ZNF578: variants seen among roughly 807,000 people sequenced by gnomAD.
ZNF578 encodes the protein zinc finger protein 578.
ZNF578 carries 8 observed loss-of-function variants against 8.3 expected under a neutral mutation model. The observed-to-expected ratio is 0.96, with a 90% CI of 0.56 to 1.74. ZNF578 has a LOEUF of 1.74. Ranked by LOEUF, ZNF578 falls within the 40% of genes most tolerant of loss-of-function variation. The pLI, the probability that ZNF578 is intolerant of heterozygous loss-of-function variation, is 0.00. For missense variants in ZNF578, 726 were observed against 707.5 expected (o/e 1.03, Z -0.30); for synonymous variants, 206 against 232.2 (o/e 0.89, Z 1.03).
Position 52,482,439 on chromosome 19 carries a change from C to T in ZNF578, c.-121-8885C>T, listed in dbSNP as rs150800020. ...GATCACGAGGTCAGGGGTTCGAGAC[C>T]AGCGTGGCCAACACAGTGAAACCCC... On this transcript the variant is annotated intron_variant, in intron 2 of 5. Coordinates refer to ENST00000421239, the MANE Select transcript of ZNF578 (RefSeq NM_001099694.2). Among the ~76,000 whole-genome samples the T allele has an allele frequency of 8.8e-4, 134 of 152,182 alleles. 2 individuals carry two copies. The East Asian group carries it at 0.021, about 24-fold the overall frequency.
At chr19:52,477,844 A>G (rs530994991) in intron 2 of ZNF578, among the ~76,000 whole-genome samples, 26 of 152,204 alleles carry the variant, frequency 1.7e-4, no homozygotes, top group Non-Finnish European at 3.5e-4. Context: ...GGTGTGAGGA[A>G]TCTGACACTT....
At chr19:52,498,574 G>A (rs889524323) in intron 3 of ZNF578, among the ~76,000 whole-genome samples, 3 of 151,640 alleles carry the variant, frequency 2.0e-5, no homozygotes, top group African/African-American at 7.3e-5. Context: ...TAGTAGAGAC[G>A]TGATGTCACC....
Position 52,489,074 on chromosome 19 carries a change from G to A in ZNF578, c.-121-2250G>A, listed in dbSNP as rs534506151. On this transcript the variant is annotated intron_variant, in intron 2 of 5. Coordinates refer to ENST00000421239, the MANE Select transcript of ZNF578 (RefSeq NM_001099694.2). ...CGATCGCACCACTGCCCTCCAGCCT[G>A]GGTGACAGAGTGAGACTCCGTCTGC... Among the ~76,000 whole-genome samples the A allele has an allele frequency of 2.6e-5, 4 of 152,164 alleles. No individual in the cohort carries two copies. In the South Asian group the frequency reaches 8.3e-4, roughly 32 times the overall value.
chr19:52,507,463 C>T (rs780694512), intron 5 of ZNF578, among the ~76,000 whole-genome samples: 2 of 152,034 alleles, frequency 1.3e-5, no homozygotes, highest in Non-Finnish European at 2.9e-5. Context: ...GAGGCTGAGG[C>T]ACGAGACTCT....
intron 5 of ZNF578, among the ~76,000 whole-genome samples, chr19:52,505,424 G>GTTTTTT (rs1555756577): frequency 7.2e-6 from 1 of 138,630 alleles, no homozygotes; most frequent in Non-Finnish European, 1.6e-5. Context: ...TTGTTTGTTT[G>GTTTTTT]TTTTTTGTTT....
intron 3 of ZNF578, among the ~76,000 whole-genome samples, chr19:52,495,405 G>T (rs1327739829): frequency 6.8e-6 from 1 of 147,352 alleles, no homozygotes; most frequent in Non-Finnish European, 1.5e-5. Context: ...AGCTGAGATC[G>T]CACCATTGTA....
intron 2 of ZNF578, among the ~76,000 whole-genome samples, chr19:52,463,366 G>A (rs374916173): frequency 5.9e-5 from 9 of 152,314 alleles, no homozygotes; most frequent in East Asian, 3.9e-4. Context: ...GTAGGAACGT[G>A]GGTGATGTCC....
intron 2 of ZNF578, among the ~76,000 whole-genome samples, chr19:52,488,535 G>A (rs557834673): frequency 1.1e-4 from 17 of 151,924 alleles, no homozygotes; most frequent in Middle Eastern, 6.8e-3. Flanking sequence ...CGTGAACCCG[G>A]TAGGCGGAGC....
At chr19:52,458,468 T>A (rs1991476) in intron 2 of ZNF578, 5 of 121,748 alleles carry the variant, frequency 4.1e-5, no homozygotes, top group Admixed American at 1.6e-4. Context: ...GCTACTATGT[T>A]TATATATATA....
intron 2 of ZNF578, among the ~76,000 whole-genome samples, chr19:52,480,862 C>A (rs138261891): frequency 6.6e-5 from 10 of 150,444 alleles, no homozygotes; most frequent in Non-Finnish European, 1.5e-5. Flanking sequence ...CGCCACCGCA[C>A]CCCAGTCTGG....
intron 2 of ZNF578, among the ~76,000 whole-genome samples, chr19:52,488,913 G>A (rs1485438244): frequency 6.6e-6 from 1 of 151,980 alleles, no homozygotes; most frequent in Non-Finnish European, 1.5e-5. Flanking sequence ...TGGCCTACAT[G>A]GTGAAACCCC....
At chr19:52,483,421 A>G (rs1465075607) in intron 2 of ZNF578, among the ~76,000 whole-genome samples, 1 of 152,204 alleles carries the variant, frequency 6.6e-6, no homozygotes, top group Non-Finnish European at 1.5e-5. Context: ...GTCTCAAAAA[A>G]TACGTAAATA....
chr19:52,495,630 T>C (rs1309604555), intron 3 of ZNF578, among the ~76,000 whole-genome samples: 1 of 150,982 alleles, frequency 6.6e-6, no homozygotes, highest in Admixed American at 6.6e-5. Context: ...GAGCGGTGAG[T>C]TGATTGGATG....
intron 2 of ZNF578, among the ~76,000 whole-genome samples, 189 bp from the exon 3 acceptor site, chr19:52,491,135 A>C (rs1599901187): frequency 6.6e-6 from 1 of 152,198 alleles, no homozygotes; most frequent in Non-Finnish European, 1.5e-5. Flanking sequence ...TTCCATAGAA[A>C]TGATTTGAAG....
At chr19:52,482,504 G>A (rs73575925) in intron 2 of ZNF578, among the ~76,000 whole-genome samples, 32,262 of 152,052 alleles carry the variant, frequency 0.21, 5,766 homozygotes, top group African/African-American at 0.5. Flanking sequence ...CGGGCGTGGT[G>A]GCAGACGCCT....
chr19:52,501,123 C>T (rs542173953), intron 3 of ZNF578, among the ~76,000 whole-genome samples: 1 of 151,558 alleles, frequency 6.6e-6, no homozygotes, highest in South Asian at 2.1e-4. Context: ...GTGATCCAGC[C>T]GCCTCGGCCT....
intron 2 of ZNF578, among the ~76,000 whole-genome samples, chr19:52,486,820 T>C (rs963398007): frequency 1.3e-5 from 2 of 151,404 alleles, no homozygotes; most frequent in East Asian, 3.9e-4. Flanking sequence ...GATTGAAATA[T>C]TGGGGAGAAG....
rs375140365 is a variant in ZNF578 at position 52,501,853 on chromosome 19, A to T, written c.8A>T (p.His3Leu). Reference protein sequence around the residue: MLHEEAAQKRKGK... With the variant: MLLEEAAQKRKGK... ...ATTGATTTCTAAAGACTCATGTTAC[A>T]TGAGGAAGCAGCTCAGAAGAGGAAA... Residue 3 changes from histidine (H) to leucine (L), a missense_variant, in exon 4 of 6, where the codon CAT becomes CTT. His to Leu is a moderately conservative substitution (Grantham distance 99). Coordinates refer to ENST00000421239, the MANE Select transcript of ZNF578 (RefSeq NM_001099694.2). The T allele has an allele frequency of 1.2e-6, 2 of 1,613,648 alleles. No individual in the cohort carries two copies. The highest frequency in any genetic ancestry group is 1.7e-4 in the Middle Eastern group (1 of 6,056).
At chr19:52,486,356 C>A (rs948954036) in intron 2 of ZNF578, among the ~76,000 whole-genome samples, 2 of 152,186 alleles carry the variant, frequency 1.3e-5, no homozygotes, top group Admixed American at 1.3e-4. Context: ...AGACCAGTGC[C>A]GTCGTGGGTC....
Sources: gnomAD v4.1 joint callset for allele counts (sites outside exome capture counted in the v4.1 genomes callset) on GRCh38, gnomAD v4.1.1 for gene constraint, MANE v1.5 for transcripts, NCBI Gene and HGNC (gene_info 2026-07-23, HGNC 2026-07-21) for gene names.